Variants in SHANK2 observed in about 807,000 individuals in gnomAD.
SHANK2 encodes the protein SH3 and multiple ankyrin repeat domains 2, also known as SH3 and multiple ankyrin repeat domains protein 2.
SHANK2 carries 43 observed loss-of-function variants against 133.7 expected under a neutral mutation model. The ratio of observed to expected loss-of-function variants is 0.32; its 90% CI spans 0.25 to 0.41. The LOEUF (loss-of-function observed/expected upper bound fraction) is 0.41, where lower values mean the gene tolerates loss of function less well. SHANK2 is among the 10% of genes least tolerant of loss of function. SHANK2 has a pLI of 1.00. For synonymous variants in SHANK2, 1,017 were observed against 952.8 expected (o/e 1.07, Z -1.24); for missense variants, 1,994 against 2,235.8 (o/e 0.89, Z 2.18).
intron 10 of SHANK2, among the ~76,000 whole-genome samples, chr11:70,937,649 C>T (rs1208829731): frequency 1.3e-5 from 2 of 152,076 alleles, no homozygotes; most frequent in Non-Finnish European, 2.9e-5. Flanking sequence ...TGGCTACTCC[C>T]ATCTTTTGAG....
intron 11 of SHANK2, among the ~76,000 whole-genome samples, chr11:70,865,354 C>T (rs184756846): frequency 1.9e-4 from 28 of 150,862 alleles, no homozygotes; most frequent in African/African-American, 5.4e-4. Flanking sequence ...AACTAGGCGA[C>T]GTCTAAATTT....
chr11:70,933,049 C>G (rs115586837), intron 10 of SHANK2: 4,742 of 442,152 alleles, frequency 0.011, 71 homozygotes, highest in African/African-American at 0.049. Flanking sequence ...GAGACTCCAA[C>G]AGGTATTTGC....
In SHANK2 at chr11:70,553,155, C is replaced by T. The variant is rs560682748; in HGVS notation, c.2062-50224G>A. Reference sequence around the variant, plus strand: ...GTCACCAGGCTGGAGTGCAGTGGCGCGATCTCGTCTCACTGCAGTCTCTGT... The same window carrying T: ...GTCACCAGGCTGGAGTGCAGTGGCGTGATCTCGTCTCACTGCAGTCTCTGT... On this transcript the variant is annotated intron_variant, in intron 17 of 25. Coordinates refer to ENST00000601538, the MANE Select transcript of SHANK2 (RefSeq NM_012309.5). Among the ~76,000 whole-genome samples the T allele has an allele frequency of 1.1e-4, 17 of 151,852 alleles. No individual in the cohort carries two copies. The South Asian group carries it at 2.3e-3, about 20-fold the overall frequency.
At chr11:70,921,503 A>C (rs1950351212) in intron 10 of SHANK2, among the ~76,000 whole-genome samples, 3 of 152,268 alleles carry the variant, frequency 2.0e-5, no homozygotes, top group Admixed American at 2.0e-4. Context: ...AGGAAGGAGT[A>C]GAAAAATGAA....
At chr11:70,643,663 G>A (rs1412434718) in intron 17 of SHANK2, among the ~76,000 whole-genome samples, 1 of 151,784 alleles carries the variant, frequency 6.6e-6, no homozygotes, top group East Asian at 1.9e-4. Flanking sequence ...TGGGAATCAC[G>A]TCGTGGTTGG....
At chr11:70,510,491 T>C (rs1340589638) in intron 17 of SHANK2, among the ~76,000 whole-genome samples, 1 of 152,170 alleles carries the variant, frequency 6.6e-6, no homozygotes, top group African/African-American at 2.4e-5. Flanking sequence ...GGGCATGTAA[T>C]GTGGGTCCCT....
intron 17 of SHANK2, among the ~76,000 whole-genome samples, chr11:70,581,175 T>C (rs2060179633): frequency 6.6e-6 from 1 of 152,186 alleles, no homozygotes; most frequent in Non-Finnish European, 1.5e-5. Context: ...AAAGTAAGTC[T>C]AGCGTTTGAA....
chr11:70,730,514 G>A lies in SHANK2; in HGVS notation c.1778-31751C>T, dbSNP rs7107431. The stretch of plus-strand genomic sequence containing the variant: ...CAACCCCAATGCCCACCCCTGTAAC[G>A]CTGAGTGTGCCCCTAACTGGACCGC... On this transcript the variant is annotated intron_variant, in intron 14 of 25. Coordinates refer to ENST00000601538, the MANE Select transcript of SHANK2 (RefSeq NM_012309.5). 5.3e-3 allele frequency among the ~76,000 whole-genome samples: 800 copies of A among 152,184 alleles called. 8 individuals are homozygous for A. The highest frequency in any genetic ancestry group is 0.018 in the African/African-American group (751 of 41,502).
intron 15 of SHANK2, among the ~76,000 whole-genome samples, chr11:70,670,286 C>G (rs12284271): frequency 0.036 from 5,430 of 152,322 alleles, 343 homozygotes; most frequent in African/African-American, 0.12. Context: ...GAAAGAGGAT[C>G]CTCCAGGGAA....
intron 17 of SHANK2, among the ~76,000 whole-genome samples, chr11:70,586,174 G>T (rs550815296): frequency 3.4e-4 from 52 of 152,248 alleles, no homozygotes; most frequent in African/African-American, 1.2e-3. Context: ...GTCAGGGAAG[G>T]CTTCTCTAGG....
At chr11:71,201,226 T>C (rs552598147) in intron 2 of SHANK2, among the ~76,000 whole-genome samples, 2 of 152,258 alleles carry the variant, frequency 1.3e-5, no homozygotes, top group South Asian at 4.2e-4. Flanking sequence ...CCCTCCCCCA[T>C]ATTCCAACTT....
intron 9 of SHANK2, among the ~76,000 whole-genome samples, chr11:71,061,480 G>A (rs1184258250): frequency 3.9e-5 from 6 of 152,302 alleles, no homozygotes; most frequent in East Asian, 1.9e-4. Flanking sequence ...CTGAGAGAGC[G>A]GTTCTGCCTC....
At chr11:70,667,030 T>G (rs1237297938) in intron 15 of SHANK2, among the ~76,000 whole-genome samples, 1 of 152,058 alleles carries the variant, frequency 6.6e-6, no homozygotes, top group Non-Finnish European at 1.5e-5. Context: ...AGTACAGCTG[T>G]GCAGGTTGTG....
chr11:71,221,768 G>A (rs566598960), intron 2 of SHANK2, among the ~76,000 whole-genome samples: 1 of 152,284 alleles, frequency 6.6e-6, no homozygotes, highest in Non-Finnish European at 1.5e-5. Context: ...AGCAAGGGGA[G>A]GTGATCGGTA....
chr11:70,671,216 G>A (rs962417651), intron 15 of SHANK2, among the ~76,000 whole-genome samples: 8 of 152,174 alleles, frequency 5.3e-5, no homozygotes, highest in East Asian at 1.9e-4. Context: ...GCTTAACTGC[G>A]CTCATGATCA....
intron 2 of SHANK2, among the ~76,000 whole-genome samples, chr11:71,171,696 T>C (rs1953316805): frequency 6.6e-6 from 1 of 151,974 alleles, no homozygotes; most frequent in Non-Finnish European, 1.5e-5. Flanking sequence ...GCTAATCCCC[T>C]CCAGAAACCC....
At chr11:70,549,701 T>C (rs1231283744) in intron 17 of SHANK2, among the ~76,000 whole-genome samples, 1 of 152,190 alleles carries the variant, frequency 6.6e-6, no homozygotes, top group Admixed American at 6.5e-5. Context: ...ACGAATGTAT[T>C]AGGACCTCGA....
chr11:71,062,533 T>G (rs1951000017), intron 9 of SHANK2, among the ~76,000 whole-genome samples: 1 of 152,132 alleles, frequency 6.6e-6, no homozygotes. Context: ...GGGCTGTAAC[T>G]GCACCCTGGC....
At chr11:70,795,238 C>G (rs940809254) in intron 14 of SHANK2, among the ~76,000 whole-genome samples, 1 of 152,016 alleles carries the variant, frequency 6.6e-6, no homozygotes, top group Non-Finnish European at 1.5e-5. Flanking sequence ...CCCTAGGATG[C>G]CCAGGTCCTA....
Sources: allele counts gnomAD v4.1 joint callset (sites outside exome capture counted in the v4.1 genomes callset), GRCh38; gene constraint gnomAD v4.1.1; transcripts MANE v1.5; gene names NCBI Gene and HGNC (gene_info 2026-07-23, HGNC 2026-07-21).